The following PADI2 variants were observed in gnomAD, a reference collection of about 807,000 sequenced individuals.
PADI2 encodes peptidyl arginine deiminase 2, also known as protein-arginine deiminase type-2.
A neutral mutation model predicts 81.1 loss-of-function variants in PADI2; 70 were observed. That is an observed-to-expected ratio of 0.86 (90% CI 0.71 to 1.05). PADI2 has a LOEUF of 1.05. Among genes scored for constraint, PADI2 ranks in the 50% least tolerant of loss-of-function variants. The pLI is 0.00. For synonymous variants in PADI2, 338 were observed against 358.0 expected, an observed-to-expected ratio of 0.94 and a Z score of 0.63; for missense variants, 853 against 889.9, an observed-to-expected ratio of 0.96 and a Z score of 0.53.
At chr1:17,094,853 T>G (rs1388692002) in intron 4 of PADI2, among the ~76,000 whole-genome samples, 2 of 152,168 alleles carry the variant, frequency 1.3e-5, no homozygotes, top group African/African-American at 4.8e-5. Context: ...GAGGCCTCTG[T>G]GGAGTTCATT....
chr1:17,118,075 C>T (rs747259067), intron 1 of PADI2, among the ~76,000 whole-genome samples: 4 of 152,074 alleles, frequency 2.6e-5, no homozygotes, highest in East Asian at 1.9e-4. Context: ...GCCTCTGCAG[C>T]GGTGGCAGGA....
intron 3 of PADI2, among the ~76,000 whole-genome samples, chr1:17,099,582 T>C (rs994341811): frequency 6.6e-6 from 1 of 152,166 alleles, no homozygotes; most frequent in Non-Finnish European, 1.5e-5. Flanking sequence ...CTTGGCGGGA[T>C]TGGGACAAAG....
intron 14 of PADI2, among the ~76,000 whole-genome samples, chr1:17,070,470 C>T (rs142546668): frequency 1.1e-4 from 17 of 152,304 alleles, no homozygotes; most frequent in South Asian, 8.3e-4. Context: ...TCACTAGAGC[C>T]GGTCCCTGTG....
At chr1:17,081,698 A>G (rs1440694977) in intron 10 of PADI2, among the ~76,000 whole-genome samples, 1 of 152,228 alleles carries the variant, frequency 6.6e-6, no homozygotes, top group African/African-American at 2.4e-5. Flanking sequence ...GACAAAAGAA[A>G]GATTGGTTTC....
Position 17,086,624 on chromosome 1 carries a change from C to A in PADI2, c.731G>T (p.Gly244Val), listed in dbSNP as rs777252074. The A allele has an allele frequency of 1.4e-5, 23 of 1,613,930 alleles. No homozygotes were observed. Among genetic ancestry groups the A allele is most frequent in the Admixed American group, 5.0e-5 (3 of 60,000 alleles). The change falls in exon 7 of 16, where the codon GGC becomes GTC. Residue 244 changes from glycine to valine, a missense_variant. By Grantham distance (109) the Gly-to-Val change is moderately radical (BLOSUM62 -3). Coordinates refer to ENST00000375486, the MANE Select transcript of PADI2 (RefSeq NM_007365.3). ...KLYHVVKYTG[G>V]SAELLFFVEG... ...CACGAAGAACAGCAGCTCCGCGGAG[C>A]CACCCGTGTACTTGACCACATGGTA...
chr1:17,085,317 T>C (rs1473499040), intron 7 of PADI2, among the ~76,000 whole-genome samples: 1 of 152,140 alleles, frequency 6.6e-6, no homozygotes, highest in African/African-American at 2.4e-5. Context: ...ATATAGGAAA[T>C]GGACCCCATC....
Position 17,079,552 on chromosome 1 carries a change from A to T in PADI2, c.1159-137T>A, listed in dbSNP as rs1035030024. ...CAGGTGGGTTGTCCACGGTCTTCCT[A>T]TGATTAACAAAGAGCAGGGGCCTGG... On this transcript the variant is annotated intron_variant, in intron 10 of 15. Transcript: ENST00000375486. The T allele has an allele frequency of 8.0e-6, 5 of 624,170 alleles. No individual in the cohort carries two copies. In the African/African-American group the frequency reaches 9.2e-5, roughly 12 times the overall value. 38.7% of individuals were successfully genotyped at this position (624,170 alleles called of 1,614,324 possible).
In PADI2 at chr1:17,079,322, T is replaced by A; in HGVS notation, c.1252A>T (p.Thr418Ser). The change falls in exon 11 of 16, where the codon ACC (threonine) becomes TCC (serine). Residue 418 changes from threonine (T) to serine (S), a missense_variant. Coordinates refer to ENST00000375486, the MANE Select transcript of PADI2 (RefSeq NM_007365.3). ...FGNLEVSPPV[T>S]VNGKTYPLGR... ...AGCGGGTATGTCTTGCCGTTCACGGTCACTGGGGGACTGACCTCCAGGTTT... is the reference window on the plus strand; with the variant it reads ...AGCGGGTATGTCTTGCCGTTCACGGACACTGGGGGACTGACCTCCAGGTTT... 6.2e-7 allele frequency: 1 copy of A among 1,614,074 alleles called. No homozygotes were observed. Among genetic ancestry groups the A allele is most frequent in the Non-Finnish European group, 8.5e-7 (1 of 1,179,992 alleles).
Position 17,105,047 on chromosome 1 carries a change from C to T in PADI2, c.107G>A (p.Gly36Glu). Residue 36 changes from glycine (G) to glutamate (E), a missense_variant, in exon 2 of 16, where the codon GGG becomes GAG. Transcript: ENST00000375486. ...GTGCTTCAGGCTGAAGGTTTGGGCC[C>T]CGGCTGGGGCCGCGCTGTGGGGAGA... ...WTDVYSAAPA[G>E]AQTFSLKHSE... is the part of the protein sequence containing the mutation. 1 of 1,580,620 alleles carries T rather than the reference C, an allele frequency of 6.3e-7. No homozygotes were observed. Among genetic ancestry groups the T allele is most frequent in the Non-Finnish European group, 8.6e-7 (1 of 1,158,348 alleles).
rs761495380 is a variant in PADI2 at position 17,067,697 on chromosome 1, G to A, written c.*1347C>T. On this transcript the variant is annotated 3_prime_UTR_variant, in exon 16 of 16. Coordinates refer to ENST00000375486, the MANE Select transcript of PADI2 (RefSeq NM_007365.3). The stretch of plus-strand genomic sequence containing the variant: ...CACTGTGTTTGCAGAGCCCAACGCC[G>A]TGCCTGGCGCTTAGTGGCATACAAC... 2 of 152,218 alleles carry A rather than the reference G, an allele frequency of 1.3e-5. No homozygotes were observed. The highest frequency in any genetic ancestry group is 2.1e-4 in the South Asian group (1 of 4,834). The allele number at this position is 152,218 out of a possible 1,614,324, so 9.4% of individuals were successfully genotyped here.
At position 17,087,704 on chromosome 1, in the gene PADI2, C is replaced by T. The variant is rs769617181; in HGVS notation, c.656-1005G>A. 3.3e-5 allele frequency among the ~76,000 whole-genome samples: 5 copies of T among 152,068 alleles called. No homozygotes were observed. In the South Asian group the frequency reaches 1.0e-3, roughly 31 times the overall value. On this transcript the variant is annotated intron_variant, in intron 6 of 15. Coordinates refer to ENST00000375486, the MANE Select transcript of PADI2 (RefSeq NM_007365.3). ...TTTAGCAGAGACAGGGTTTCATCGC[C>T]ATCTTGGTCAGGCTGGTCTCGAACT...
chr1:17,088,404 G>A (rs1224807771), intron 6 of PADI2, among the ~76,000 whole-genome samples: 2 of 152,158 alleles, frequency 1.3e-5, no homozygotes, highest in African/African-American at 4.8e-5. Flanking sequence ...CACATAAGCC[G>A]AATAGCCTGG....
rs756015348 is a variant in PADI2 at position 17,119,235 on chromosome 1, C to T, written c.92+45G>A. ...CGAGTCTGAGCGCGTCTCAGGATTT[C>T]TGGGCTCGAGATCTCGGCCCGGGCA... On this transcript the variant is annotated intron_variant, in intron 1 of 15. Transcript: ENST00000375486. This position sits in a 1 kb window ranked among gnomAD's most constrained non-coding sequence, Gnocchi z 4.8. 1.5e-5 allele frequency: 21 copies of T among 1,362,696 alleles called. 1 individual carries two copies. The Admixed American group carries it at 4.4e-4, about 29-fold the overall frequency. The allele number at this position is 1,362,696 out of a possible 1,614,324, so 84.4% of individuals were successfully genotyped here.
intron 3 of PADI2, among the ~76,000 whole-genome samples, chr1:17,097,471 T>C (rs901930597): frequency 2.6e-5 from 4 of 152,176 alleles, no homozygotes; most frequent in African/African-American, 4.8e-5. Flanking sequence ...TGCGGTGAGT[T>C]AGGTGCTGTA....
In PADI2 at chr1:17,092,542, C is replaced by A; in HGVS notation, c.530-9G>T. On this transcript the variant is annotated splice_polypyrimidine_tract_variant and intron_variant, in intron 5 of 15. Transcript: ENST00000375486. ...GGACATGTCCTTGAGATCTGAGGGA[C>A]AGAAGGTGAGAATGAAGAGATCTAT... is the stretch of plus-strand genomic sequence containing the variant. The A allele has an allele frequency of 6.3e-7, 1 of 1,575,698 alleles. No individual in the cohort carries two copies. The highest frequency in any genetic ancestry group is 1.4e-5 in the African/African-American group (1 of 72,402).
Position 17,104,862 on chromosome 1 carries a change from C to G in PADI2, c.276+16G>C. The stretch of plus-strand genomic sequence containing the variant: ...TGGTCCCGGGCCCGCAGAGGCTGGA[C>G]TTCCCGCCGTGGTACCTTGTCACTG... On this transcript the variant is annotated intron_variant, in intron 2 of 15. Coordinates refer to ENST00000375486, the MANE Select transcript of PADI2 (RefSeq NM_007365.3). The G allele has an allele frequency of 6.4e-7, 1 of 1,551,312 alleles. No homozygotes were observed. The highest frequency in any genetic ancestry group is 8.7e-7 in the Non-Finnish European group (1 of 1,145,756).
Position 17,082,646 on chromosome 1 carries a change from T to G in PADI2, c.1057A>C (p.Ile353Leu). The G allele has an allele frequency of 6.3e-7, 1 of 1,597,934 alleles. No individual in the cohort carries two copies. Among genetic ancestry groups the G allele is most frequent in the South Asian group, 1.1e-5 (1 of 89,926 alleles). The change falls in exon 10 of 16, where the codon ATT (isoleucine) becomes CTT (leucine). Residue 353 changes from isoleucine (I) to leucine (L), a missense_variant. Ile to Leu is a conservative substitution (Grantham distance 5). Coordinates refer to ENST00000375486, the MANE Select transcript of PADI2 (RefSeq NM_007365.3). ...NRGDRWIQDE[I>L]EFGYIEAPHK... The stretch of plus-strand genomic sequence containing the variant: ...GGGGCCTCGATGTAGCCAAACTCAA[T>G]TTCATCCTGCAGGGACACCAAGGAG...
rs1332748783 is a variant in PADI2, at chr1:17,067,929, G to A, written c.*1115C>T. ...GGAGCCAGGGAATGAATCTGGGTAT[G>A]TCCAAATGAGAGGGTCTTTGGCAAA... On this transcript the variant is annotated 3_prime_UTR_variant, in exon 16 of 16. Coordinates refer to ENST00000375486, the MANE Select transcript of PADI2 (RefSeq NM_007365.3). The A allele has an allele frequency of 6.6e-6, 1 of 152,608 alleles. No homozygotes were observed. Among genetic ancestry groups the A allele is most frequent in the Non-Finnish European group, 1.5e-5 (1 of 68,052 alleles). The allele number at this position is 152,608 out of a possible 1,614,324, so 9.5% of individuals were successfully genotyped here. A position where few individuals can be genotyped will look rare whatever the true frequency, so the allele number is the denominator to read the frequency against.
rs546373211 is a variant in PADI2, at chr1:17,112,458, C to A, written c.92+6822G>T. On this transcript the variant is annotated intron_variant, in intron 1 of 15. Coordinates refer to ENST00000375486, the MANE Select transcript of PADI2 (RefSeq NM_007365.3). ...CATTAACACCAGCTGGGGCTCATCC[C>A]CAGAGTGACCCCAGCTCCTGGCAGC... 2.0e-5 allele frequency among the ~76,000 whole-genome samples: 3 copies of A among 152,236 alleles called. No homozygotes were observed. In the South Asian group the frequency reaches 6.2e-4, roughly 32 times the overall value.
Sources: gnomAD v4.1 joint callset for allele counts (sites outside exome capture counted in the v4.1 genomes callset) on GRCh38, gnomAD v4.1.1 for gene constraint, Gnocchi (gnomAD v3.1) non-coding constraint, MANE v1.5 for transcripts, NCBI Gene and HGNC (gene_info 2026-07-23, HGNC 2026-07-21) for gene names.